PRKCH: variants seen among roughly 807,000 people sequenced by gnomAD.
PRKCH encodes the protein protein kinase C eta type.
In PRKCH, 28 loss-of-function variants were observed where a neutral mutation model predicts 82.5. That is an observed-to-expected ratio of 0.34 (90% CI 0.25 to 0.47). The LOEUF (loss-of-function observed/expected upper bound fraction) is 0.47, where lower values mean the gene tolerates loss of function less well. Among genes scored for constraint, PRKCH ranks in the 20% least tolerant of loss-of-function variants. The pLI is 1.00. For synonymous variants in PRKCH, 322 were observed against 327.4 expected (o/e 0.98, Z 0.18); for missense variants, 705 against 881.8 (o/e 0.80, Z 2.54).
intron 10 of PRKCH, among the ~76,000 whole-genome samples, chr14:61,518,738 C>G (rs1213465285): frequency 6.6e-6 from 1 of 152,144 alleles, no homozygotes; most frequent in African/African-American, 2.4e-5. Flanking sequence ...ATCAAACACC[C>G]AGAACAGGAT....
At chr14:61,374,460 T>C (rs7148839) in intron 1 of PRKCH, among the ~76,000 whole-genome samples, 14,073 of 151,970 alleles carry the variant, frequency 0.093, 807 homozygotes, top group Non-Finnish European at 0.099. Context: ...CTCATAGAGG[T>C]TCACCATGAG....
At chr14:61,216,719 G>T (rs2044618883) in intron 1 of PRKCH, among the ~76,000 whole-genome samples, 2 of 152,206 alleles carry the variant, frequency 1.3e-5, no homozygotes, top group South Asian at 4.1e-4. Flanking sequence ...TTGAGATGTT[G>T]TCATGTGGAT....
chr14:61,381,465 G>T (rs749972771), intron 1 of PRKCH, among the ~76,000 whole-genome samples: 2 of 152,238 alleles, frequency 1.3e-5, no homozygotes, highest in Non-Finnish European at 2.9e-5. Context: ...TTATAGAGAT[G>T]AAAGTAGAAA....
intron 1 of PRKCH, among the ~76,000 whole-genome samples, chr14:61,359,024 T>C (rs2046189138): frequency 6.6e-6 from 1 of 152,228 alleles, no homozygotes; most frequent in East Asian, 1.9e-4. Context: ...CCACGTTGGA[T>C]CATAATCTAT....
At chr14:61,214,070 GGTGCTGT>G (rs1182860767) in intron 1 of PRKCH, among the ~76,000 whole-genome samples, 2 of 152,198 alleles carry the variant, frequency 1.3e-5, no homozygotes, top group African/African-American at 2.4e-5. Flanking sequence ...GGTTGGCGTA[GGTGCTGT>G]GGGAGCTCAA....
At position 61,197,517 on chromosome 14, in the gene PRKCH, C is replaced by T. The variant is rs145074929; in HGVS notation, c.-19+9849C>T. On this transcript the variant is annotated intron_variant, in intron 1 of 3. Transcript: ENST00000555185. ...GCAGTGCAGGGCATCACATGGTGAG[C>T]GGGCTGAGTGTGCTAGCATGTACTC... Among the ~76,000 whole-genome samples the T allele has an allele frequency of 7.3e-4, 111 of 152,258 alleles. 1 individual carries two copies. Among genetic ancestry groups the T allele is most frequent in the African/African-American group, 2.3e-3 (96 of 41,556 alleles).
chr14:61,355,269 C>G (rs2140153952), intron 1 of PRKCH, among the ~76,000 whole-genome samples: 1 of 152,254 alleles, frequency 6.6e-6, no homozygotes, highest in East Asian at 1.9e-4. Flanking sequence ...TTTCTCATTG[C>G]ACTGAACACC....
chr14:61,541,282 A>G (rs1242453263), intron 12 of PRKCH, among the ~76,000 whole-genome samples: 1 of 152,272 alleles, frequency 6.6e-6, no homozygotes. Context: ...TGCAACACGC[A>G]TGCGTGGTGT....
chr14:61,547,723 T>G lies in PRKCH; in HGVS notation c.1762-20T>G, dbSNP rs373117376. On this transcript the variant is annotated intron_variant, in intron 12 of 13. Transcript: ENST00000332981. ...TTGTATGTGAATGAATGATTGACAC[T>G]TTCTCTCTCTCTCACTCAGTTCATG... 6.2e-7 allele frequency: 1 copy of G among 1,606,652 alleles called. No homozygotes were observed. Among genetic ancestry groups the G allele is most frequent in the Non-Finnish European group, 8.5e-7 (1 of 1,175,108 alleles).
intron 2 of PRKCH, among the ~76,000 whole-genome samples, chr14:61,437,314 A>G (rs1049539690): frequency 2.6e-5 from 4 of 152,174 alleles, no homozygotes; most frequent in African/African-American, 4.8e-5. Flanking sequence ...TTCTGTTGCT[A>G]CCTTACCTCA....
chr14:61,222,673 G>A (rs983752510), intron 1 of PRKCH, among the ~76,000 whole-genome samples: 5 of 152,134 alleles, frequency 3.3e-5, no homozygotes, highest in African/African-American at 1.2e-4. Context: ...TAAAATATTC[G>A]ACTTCTACCT....
intron 10 of PRKCH, among the ~76,000 whole-genome samples, chr14:61,513,595 A>C (rs1018675069): frequency 6.6e-6 from 1 of 152,152 alleles, no homozygotes; most frequent in African/African-American, 2.4e-5. Context: ...TAGGACCAAT[A>C]CTTTTTATAA....
At chr14:61,483,458 G>A (rs1382029868) in intron 9 of PRKCH, among the ~76,000 whole-genome samples, 2 of 152,216 alleles carry the variant, frequency 1.3e-5, no homozygotes, top group African/African-American at 2.4e-5. Context: ...GGTGGTGGTG[G>A]TTTTTGTTTT....
intron 1 of PRKCH, among the ~76,000 whole-genome samples, chr14:61,219,555 G>C (rs2044639772): frequency 6.6e-6 from 1 of 152,194 alleles, no homozygotes; most frequent in Admixed American, 6.5e-5. Flanking sequence ...GGTGATGGCT[G>C]TCAGTGTGTA....
chr14:61,195,794 G>GGAGA (rs970927125), intron 1 of PRKCH, among the ~76,000 whole-genome samples: 2 of 151,758 alleles, frequency 1.3e-5, no homozygotes, highest in Non-Finnish European at 2.9e-5. Context: ...TGGACATGGA[G>GGAGA]GAGAGAGAGA....
intron 9 of PRKCH, among the ~76,000 whole-genome samples, chr14:61,479,863 G>A (rs1003982173): frequency 2.0e-5 from 3 of 152,190 alleles, no homozygotes; most frequent in African/African-American, 7.2e-5. Context: ...TCCCACACCT[G>A]TAACTCACAC....
chr14:61,295,419 G>T (rs2045398432), intron 1 of PRKCH, among the ~76,000 whole-genome samples: 1 of 152,148 alleles, frequency 6.6e-6, no homozygotes, highest in South Asian at 2.1e-4. Context: ...TCAGTCCCTG[G>T]CCAGCTAGAG....
chr14:61,291,323 C>CTTTT (rs533117559), intron 1 of PRKCH, among the ~76,000 whole-genome samples: 52 of 96,654 alleles, frequency 5.4e-4, no homozygotes, highest in African/African-American at 7.6e-4. Flanking sequence ...CCCTCTGGTT[C>CTTTT]TTTTTTTTTT....
rs376269174 is a variant in PRKCH, at chr14:61,207,039, C to T, written c.-19+19371C>T. Among the ~76,000 whole-genome samples, 16 of 132,862 alleles carry T rather than the reference C, an allele frequency of 1.2e-4. No individual in the cohort carries two copies. In the South Asian group the frequency reaches 3.3e-3, roughly 27 times the overall value. 87.2% of individuals were successfully genotyped at this position (132,862 alleles called of 152,430 possible). A position where few individuals can be genotyped will look rare whatever the true frequency, so the allele number is the denominator to read the frequency against. ...GAGAATCGCTTGAACCCAGCAGGTG[C>T]AGGTTGCAGTGAGCCGAGATCATGC... is the stretch of plus-strand genomic sequence containing the variant. On this transcript the variant is annotated intron_variant, in intron 1 of 3. Coordinates refer to the PRKCH transcript ENST00000555185.
Sources: gnomAD v4.1 joint callset for allele counts (sites outside exome capture counted in the v4.1 genomes callset) on GRCh38, gnomAD v4.1.1 for gene constraint, MANE v1.5 for transcripts, NCBI Gene and HGNC (gene_info 2026-07-23, HGNC 2026-07-21) for gene names.